The following PCDH11X variants were observed in gnomAD, a reference collection of about 807,000 sequenced individuals.
PCDH11X encodes protocadherin 11 X-linked.
Under a neutral mutation model 53.3 loss-of-function variants are expected in PCDH11X, and 18 were observed. That is an observed-to-expected ratio of 0.34 (90% CI 0.23 to 0.50). The LOEUF (loss-of-function observed/expected upper bound fraction) is 0.50. Ranked by LOEUF, PCDH11X falls within the 20% of genes least tolerant of loss-of-function variation. PCDH11X has a pLI of 0.98. For missense variants in PCDH11X, 570 were observed against 1,032.4 expected, an observed-to-expected ratio of 0.55 and a Z score of 6.14; for synonymous variants, 279 against 393.3, an observed-to-expected ratio of 0.71 and a Z score of 3.44.
At chrX:92,520,640 G>A (rs2074356661) in intron 10 of PCDH11X, among the ~76,000 whole-genome samples, 1 of 109,051 alleles carries the variant, frequency 9.2e-6, no homozygotes, top group Admixed American at 9.9e-5. Context: ...TAAGACAACA[G>A]TGATGTCTGC....
At chrX:92,355,434 AAAAAAAAAAAAAAAG>A (rs1714973520) in intron 8 of PCDH11X, among the ~76,000 whole-genome samples, 1 of 98,389 alleles carries the variant, frequency 1.0e-5, no homozygotes, top group Non-Finnish European at 2.0e-5. Flanking sequence ...AAAAAAAAAA[AAAAAAAAAAAAAAAG>A]AAATTGTTGA....
chrX:92,222,619 T>C (rs963875412), intron 7 of PCDH11X, among the ~76,000 whole-genome samples: 1 of 112,183 alleles, frequency 8.9e-6, no homozygotes, highest in African/African-American at 3.2e-5. Flanking sequence ...TCCACTCATA[T>C]TGATACTCTC....
At position 92,350,390 on chromosome X, in the gene PCDH11X, G is replaced by A. The variant is rs78069723; in HGVS notation, c.3145-37345G>A. On this transcript the variant is annotated intron_variant, in intron 8 of 10. Transcript: ENST00000682573. ...GAGGGAAGATCTGGGGCTCAAAGTC[G>A]CTGTTCAGATTCTTTTGCCTCCTGG... 2.8e-3 allele frequency among the ~76,000 whole-genome samples: 312 copies of A among 110,992 alleles called. 6 individuals carry two copies. In the East Asian group the frequency reaches 0.054, roughly 19 times the overall value.
intron 8 of PCDH11X, among the ~76,000 whole-genome samples, chrX:92,274,455 A>G (rs140870026): frequency 0.016 from 1,830 of 111,155 alleles, 41 homozygotes; most frequent in African/African-American, 0.058. Flanking sequence ...GTCTGACAGA[A>G]CGGAAGAAAT....
At chrX:91,833,712 G>A (rs1937193504) in intron 4 of PCDH11X, among the ~76,000 whole-genome samples, 1 of 111,856 alleles carries the variant, frequency 8.9e-6, no homozygotes, top group Admixed American at 9.5e-5. Flanking sequence ...ATTATTGATT[G>A]TAAATAGGAA....
rs148123165 is a variant in PCDH11X at position 91,958,544 on chromosome X, T to C, written c.3033+79271T>C. ...GAGAAGTGCGGTTTTTCAGGTGGGGTTGCGCAATCACTCACCACTTCCCTT... is the reference window on the plus strand; with the variant it reads ...GAGAAGTGCGGTTTTTCAGGTGGGGCTGCGCAATCACTCACCACTTCCCTT... On this transcript the variant is annotated intron_variant, in intron 6 of 10. Transcript: ENST00000682573. Among the ~76,000 whole-genome samples, 710 of 110,473 alleles carry C rather than the reference T, an allele frequency of 6.4e-3. 7 individuals carry two copies. Among genetic ancestry groups the C allele is most frequent in the African/African-American group, 0.022 (651 of 29,996 alleles).
intron 8 of PCDH11X, among the ~76,000 whole-genome samples, chrX:92,312,088 A>T (rs184409093): frequency 1.2e-4 from 13 of 111,542 alleles, no homozygotes; most frequent in Admixed American, 4.8e-4. Context: ...ATTTAGCATA[A>T]CCAAATTTGG....
intron 9 of PCDH11X, among the ~76,000 whole-genome samples, chrX:92,433,176 G>A (rs1021795326): frequency 1.2e-4 from 13 of 111,098 alleles, no homozygotes; most frequent in African/African-American, 3.9e-4. Context: ...TGCTACTAGG[G>A]ACTATAAGTC....
intron 7 of PCDH11X, among the ~76,000 whole-genome samples, chrX:92,207,339 G>A (rs943549501): frequency 2.7e-5 from 3 of 111,163 alleles, no homozygotes; most frequent in South Asian, 3.8e-4. Context: ...TGATTTGATC[G>A]TTTCCCCTTC....
chrX:92,031,554 G>T (rs3903790), intron 6 of PCDH11X, among the ~76,000 whole-genome samples: 9,089 of 110,545 alleles, frequency 0.082, 389 homozygotes, highest in East Asian at 0.29. Context: ...AGAAATTTTT[G>T]CCCAGACCAA....
intron 6 of PCDH11X, among the ~76,000 whole-genome samples, chrX:92,065,729 G>T (rs1274514710): frequency 1.1e-4 from 12 of 109,585 alleles, no homozygotes; most frequent in Admixed American, 2.0e-4. Context: ...CTCTAGAGTT[G>T]TTTGAGCTCC....
chrX:91,915,866 A>G (rs1941544768), intron 6 of PCDH11X, among the ~76,000 whole-genome samples: 1 of 111,221 alleles, frequency 9.0e-6, no homozygotes, highest in African/African-American at 3.3e-5. Context: ...TTTGCAGAAC[A>G]TTTCCCCAAC....
chrX:92,151,062 A>G (rs1175081437), intron 6 of PCDH11X, among the ~76,000 whole-genome samples: 6 of 110,739 alleles, frequency 5.4e-5, no homozygotes, highest in African/African-American at 1.7e-4. Flanking sequence ...TCTTCCTAGT[A>G]TCAAGGGGAA....
At chrX:92,077,622 G>GAGGA (rs768755254) in intron 6 of PCDH11X, among the ~76,000 whole-genome samples, 2,999 of 96,118 alleles carry the variant, frequency 0.031, 47 homozygotes, top group African/African-American at 0.045. Context: ...GGAAGGAAGG[G>GAGGA]AGGAAGGAAG....
chrX:92,564,376 C>G (rs2557279), intron 10 of PCDH11X, among the ~76,000 whole-genome samples: 36,326 of 96,907 alleles, frequency 0.37, 6,853 homozygotes, highest in Admixed American at 0.42. Flanking sequence ...TTATACTACA[C>G]AACTATAGTA....
intron 5 of PCDH11X, among the ~76,000 whole-genome samples, chrX:91,867,081 G>T (rs1333138778): frequency 1.8e-5 from 2 of 111,437 alleles, no homozygotes; most frequent in Admixed American, 9.5e-5. Context: ...TAAAATACTG[G>T]TTCTGACTTT....
rs190516403 is a variant in PCDH11X, at chrX:91,898,814, C to T, written c.3033+19541C>T. On this transcript the variant is annotated intron_variant, in intron 6 of 10. Transcript: ENST00000682573. ...AAAAGTGAAGCTAACCAAAATAATA[C>T]CATTCTAGGAGCCAGACCATTGTTG... Among the ~76,000 whole-genome samples the T allele has an allele frequency of 1.9e-3, 210 of 110,322 alleles. 2 individuals are homozygous for T. Among genetic ancestry groups the T allele is most frequent in the African/African-American group, 6.8e-3 (207 of 30,367 alleles).
At chrX:92,151,278 C>T (rs1206492533) in intron 6 of PCDH11X, among the ~76,000 whole-genome samples, 147 of 110,582 alleles carry the variant, frequency 1.3e-3, no homozygotes, top group Non-Finnish European at 2.5e-4. Context: ...CTGCAAGCCC[C>T]GCCTCCCAGG....
chrX:92,103,431 C>T (rs2064306387), intron 6 of PCDH11X, among the ~76,000 whole-genome samples: 1 of 110,939 alleles, frequency 9.0e-6, no homozygotes, highest in Non-Finnish European at 1.9e-5. Flanking sequence ...CGGGCTTACC[C>T]TCCACTGTGA....
Sources: allele counts gnomAD v4.1 joint callset (sites outside exome capture counted in the v4.1 genomes callset), GRCh38; gene constraint gnomAD v4.1.1; transcripts MANE v1.5; gene names NCBI Gene and HGNC (gene_info 2026-07-23, HGNC 2026-07-21).